The following ARHGEF3 variants were observed in gnomAD, a reference collection of about 807,000 sequenced individuals.
The protein encoded by ARHGEF3 is 59.8 kDA protein.
In ARHGEF3, 28 loss-of-function variants were observed where a neutral mutation model predicts 63.2. The observed-to-expected ratio is 0.44, with a 90% confidence interval of 0.33 to 0.61. ARHGEF3 has a LOEUF of 0.61. ARHGEF3 is among the 20% of genes least tolerant of loss of function. The pLI, the probability that ARHGEF3 is intolerant of heterozygous loss-of-function variation, is 0.03. For synonymous variants in ARHGEF3, 266 were observed against 254.2 expected, an observed-to-expected ratio of 1.05 and a Z score of -0.44; for missense variants, 533 against 659.3, an observed-to-expected ratio of 0.81 and a Z score of 2.10.
intron 7 of ARHGEF3, among the ~76,000 whole-genome samples, chr3:56,741,210 A>T (rs1280885790): frequency 8.7e-6 from 1 of 114,478 alleles, no homozygotes. Context: ...TTGGAGACTG[A>T]GTTTCGCTCT....
chr3:56,898,103 C>T (rs1332801098), intron 3 of ARHGEF3, among the ~76,000 whole-genome samples: 2 of 152,170 alleles, frequency 1.3e-5, no homozygotes, highest in African/African-American at 4.8e-5. Flanking sequence ...TCGTCTCGAA[C>T]TCCTGGGCTC....
chr3:56,801,551 TG>T, intron 1 of ARHGEF3, 151 bp downstream of exon 1: 1 of 1,037,834 alleles, frequency 9.6e-7, no homozygotes, highest in Non-Finnish European at 1.3e-6. Flanking sequence ...AAGAAGACTG[TG>T]GGAGAGATGT....
intron 2 of ARHGEF3, among the ~76,000 whole-genome samples, chr3:56,972,504 T>C (rs1700956601): frequency 1.3e-5 from 2 of 152,008 alleles, no homozygotes; most frequent in South Asian, 2.1e-4. Context: ...TAGAAGGTGA[T>C]AAATTCTATG....
chr3:56,955,566 G>C (rs566200461), intron 3 of ARHGEF3, among the ~76,000 whole-genome samples: 1 of 152,122 alleles, frequency 6.6e-6, no homozygotes, highest in Admixed American at 6.6e-5. Context: ...GGCTTTCTCC[G>C]ACACATACAT....
intron 3 of ARHGEF3, among the ~76,000 whole-genome samples, chr3:56,908,090 A>G (rs1334517124): frequency 6.6e-6 from 1 of 152,198 alleles, no homozygotes; most frequent in Non-Finnish European, 1.5e-5. Flanking sequence ...CCAGGCAGAC[A>G]GGCTGGGCAA....
At chr3:56,832,986 C>A (rs776109241) in intron 4 of ARHGEF3, among the ~76,000 whole-genome samples, 1 of 152,132 alleles carries the variant, frequency 6.6e-6, no homozygotes, top group Non-Finnish European at 1.5e-5. Flanking sequence ...GAAGAATATT[C>A]CCTTGTTTGG....
At chr3:56,914,655 C>T (rs759917266) in intron 3 of ARHGEF3, among the ~76,000 whole-genome samples, 6 of 152,054 alleles carry the variant, frequency 3.9e-5, no homozygotes, top group African/African-American at 9.7e-5. Context: ...TGTACAATAA[C>T]GGAATATTCT....
chr3:57,033,699 G>A (rs1413443843), intron 2 of ARHGEF3, among the ~76,000 whole-genome samples: 3 of 151,946 alleles, frequency 2.0e-5, no homozygotes, highest in South Asian at 2.1e-4. Context: ...GAGTCAATGG[G>A]GATTTCATTT....
chr3:56,931,702 T>G (rs781371760), intron 3 of ARHGEF3, among the ~76,000 whole-genome samples: 1 of 152,148 alleles, frequency 6.6e-6, no homozygotes, highest in Non-Finnish European at 1.5e-5. Flanking sequence ...ATATTAGGTA[T>G]TTTTCTCTGA....
At chr3:56,758,080 C>A (rs1341898026) in intron 2 of ARHGEF3, among the ~76,000 whole-genome samples, 1 of 151,392 alleles carries the variant, frequency 6.6e-6, no homozygotes, top group Non-Finnish European at 1.5e-5. Context: ...GAGTTCAAGA[C>A]CAGCCTGAAC....
intron 4 of ARHGEF3, among the ~76,000 whole-genome samples, chr3:56,815,775 T>G (rs751038867): frequency 5.3e-5 from 8 of 152,236 alleles, no homozygotes; most frequent in African/African-American, 9.6e-5. Context: ...AGGCCTGTTA[T>G]GACTATGAGA....
chr3:56,798,247 C>T (rs1015150475), intron 1 of ARHGEF3, among the ~76,000 whole-genome samples: 5 of 152,302 alleles, frequency 3.3e-5, no homozygotes, highest in Admixed American at 2.0e-4. Flanking sequence ...GGCCTATGGT[C>T]TATGGCACTA....
At chr3:57,012,555 G>A (rs530473390) in intron 2 of ARHGEF3, among the ~76,000 whole-genome samples, 3 of 152,290 alleles carry the variant, frequency 2.0e-5, no homozygotes, top group African/African-American at 7.2e-5. Flanking sequence ...CACTGCACGT[G>A]GCCACTCTTT....
rs189746221 is a variant in ARHGEF3 at position 56,965,976 on chromosome 3, A to G, written c.63-7087T>C. ...ACATTCATTTTTATAGTGGAAGATC[A>G]TATAGAACTATATGGTAATAAAAAA... is the stretch of plus-strand genomic sequence containing the variant. On this transcript the variant is annotated intron_variant, in intron 2 of 12. Transcript: ENST00000338458. Among the ~76,000 whole-genome samples, 708 of 152,228 alleles carry G rather than the reference A, an allele frequency of 4.7e-3. 6 individuals carry two copies. Among genetic ancestry groups the G allele is most frequent in the African/African-American group, 0.016 (651 of 41,528 alleles).
intron 4 of ARHGEF3, among the ~76,000 whole-genome samples, chr3:56,852,402 G>C (rs536812008): frequency 9.2e-5 from 14 of 152,294 alleles, no homozygotes; most frequent in African/African-American, 3.4e-4. Context: ...AGAGCCCAGA[G>C]ATGTCAGAGA....
At chr3:56,780,727 A>G (rs993749579) in intron 1 of ARHGEF3, among the ~76,000 whole-genome samples, 1 of 152,252 alleles carries the variant, frequency 6.6e-6, no homozygotes, top group African/African-American at 2.4e-5. Flanking sequence ...CTCTCACTTT[A>G]GATTAATCTT....
chr3:56,948,830 A>C (rs1220112057), intron 3 of ARHGEF3, among the ~76,000 whole-genome samples: 1 of 131,330 alleles, frequency 7.6e-6, no homozygotes, highest in African/African-American at 2.7e-5. Context: ...CAACAAAAAA[A>C]GAGAATTTAG....
chr3:57,069,214 C>G (rs1279772831), intron 1 of ARHGEF3, among the ~76,000 whole-genome samples: 1 of 152,206 alleles, frequency 6.6e-6, no homozygotes, highest in Admixed American at 6.5e-5. Flanking sequence ...AGCCACCACG[C>G]CTGGCCTAGA....
chr3:56,828,286 A>G (rs1349343638), intron 4 of ARHGEF3, among the ~76,000 whole-genome samples: 1 of 152,138 alleles, frequency 6.6e-6, no homozygotes, highest in Non-Finnish European at 1.5e-5. Context: ...CTGTAATCCC[A>G]GTACTTTGGG....
Sources: allele counts gnomAD v4.1 joint callset (sites outside exome capture counted in the v4.1 genomes callset), GRCh38; gene constraint gnomAD v4.1.1; transcripts MANE v1.5; gene names NCBI Gene and HGNC (gene_info 2026-07-23, HGNC 2026-07-21).